Variants in SEMA5B observed in about 807,000 individuals in gnomAD.
The protein encoded by SEMA5B is semaphorin 5B, also known as semaphorin-5B.
Under a neutral mutation model 135.0 loss-of-function variants are expected in SEMA5B, and 66 were observed. That is an observed-to-expected ratio of 0.49 (90% CI 0.40 to 0.60). SEMA5B has a LOEUF of 0.60. Among genes scored for constraint, SEMA5B ranks in the 20% least tolerant of loss-of-function variants. The pLI, the probability that SEMA5B is intolerant of heterozygous loss-of-function variation, is 0.00. For synonymous variants in SEMA5B, 690 were observed against 639.5 expected (o/e 1.08, Z -1.19); for missense variants, 1,501 against 1,566.3 (o/e 0.96, Z 0.70).
intron 18 of SEMA5B, 112 bp from the exon 19 acceptor site, chr3:122,912,454 T>G (rs1377394099): frequency 1.1e-6 from 1 of 920,170 alleles, no homozygotes; most frequent in East Asian, 2.8e-5. Flanking sequence ...GACCTCAACA[T>G]CCACCCGATC....
At chr3:122,984,860 T>C (rs1443054979) in intron 1 of SEMA5B, among the ~76,000 whole-genome samples, 2 of 152,138 alleles carry the variant, frequency 1.3e-5, no homozygotes, top group Non-Finnish European at 2.9e-5. Context: ...CAACTGAAAA[T>C]GTAAAGGCCC....
At chr3:122,982,628 A>G (rs1941554292) in intron 1 of SEMA5B, among the ~76,000 whole-genome samples, 1 of 151,848 alleles carries the variant, frequency 6.6e-6, no homozygotes, top group South Asian at 2.1e-4. Context: ...CTGTTTCCCC[A>G]CCAACCCTGG....
chr3:122,959,266 G>A (rs1940473072), intron 2 of SEMA5B, among the ~76,000 whole-genome samples: 1 of 152,190 alleles, frequency 6.6e-6, no homozygotes, highest in Admixed American at 6.5e-5. Flanking sequence ...TTTCGTGGAT[G>A]GGAAAACTGA....
In SEMA5B at chr3:122,913,016, G is replaced by A. The variant is rs762189890; in HGVS notation, c.2552C>T (p.Thr851Met). 49 of 1,597,332 alleles carry A rather than the reference G, an allele frequency of 3.1e-5. No individual in the cohort carries two copies. The Admixed American group carries it at 8.5e-4, about 28-fold the overall frequency. The change falls in exon 18 of 23, where the codon ACG becomes ATG. Residue 851 changes from threonine to methionine, a missense_variant. This residue lies in a region of SEMA5B where 927 missense variants were observed against 881.6 expected (regional missense o/e 1.05). Transcript: ENST00000357599. Reference sequence around the variant, plus strand: ...CCAGGCGGCCCAGCCCCCGCTCACCGTGTGCGGGGAGGTGCTCCCGCTGCG... The same window carrying A: ...CCAGGCGGCCCAGCCCCCGCTCACCATGTGCGGGGAGGTGCTCCCGCTGCG... ...LLRSGSTSPHTVSGGWAAWGP... is the reference protein window; with the variant it reads ...LLRSGSTSPHMVSGGWAAWGP...
At chr3:122,999,934 G>C (rs1211069781) in intron 1 of SEMA5B, among the ~76,000 whole-genome samples, 5 of 152,238 alleles carry the variant, frequency 3.3e-5, no homozygotes, top group African/African-American at 1.2e-4. Flanking sequence ...AACAGGTTGG[G>C]CATAGTGGCT....
chr3:122,925,686 GA>G (rs777082128), intron 9 of SEMA5B, among the ~76,000 whole-genome samples: 5 of 149,390 alleles, frequency 3.3e-5, no homozygotes, highest in Admixed American at 6.7e-5. Flanking sequence ...AAAGAAAAAA[GA>G]AAAAAAAAGA....
At chr3:122,915,188 C>T (rs1294212180) in intron 14 of SEMA5B, among the ~76,000 whole-genome samples, 1 of 152,204 alleles carries the variant, frequency 6.6e-6, no homozygotes. Context: ...TAGGAGTGAC[C>T]TCCATGCCTG....
chr3:122,961,240 A>G lies in SEMA5B; in HGVS notation c.24T>C (p.Ser8=), dbSNP rs199533435. 3 of 1,614,092 alleles carry G rather than the reference A, an allele frequency of 1.9e-6. No homozygotes were observed. Among genetic ancestry groups the G allele is most frequent in the African/African-American group, 2.7e-5 (2 of 75,046 alleles). Residue 8 remains serine, a synonymous_variant, in exon 2 of 23, where the codon TCT becomes TCC. Transcript: ENST00000357599. The stretch of plus-strand genomic sequence containing the variant: ...CAGGGACGAGGTGGTGGGCAACAGG[A>G]GACGGACTGAAGCCACAGGGCATCC... MPCGFSP[S]PVAHHLVPGP...
chr3:122,968,160 A>G (rs1940953775), intron 1 of SEMA5B, among the ~76,000 whole-genome samples: 1 of 152,232 alleles, frequency 6.6e-6, no homozygotes, highest in Non-Finnish European at 1.5e-5. Context: ...TTGGGCCCCC[A>G]GGATGGTTTA....
intron 11 of SEMA5B, 58 bp from the exon 12 acceptor site, chr3:122,922,180 C>G: frequency 6.4e-7 from 1 of 1,566,938 alleles, no homozygotes; most frequent in Non-Finnish European, 8.7e-7. Context: ...AGCTTGCAGC[C>G]CCGCGCCGTC....
At position 122,939,460 on chromosome 3, in the gene SEMA5B, A is replaced by T. The variant is rs1939455775; in HGVS notation, c.439T>A (p.Phe147Ile). The T allele has an allele frequency of 6.2e-7, 1 of 1,612,778 alleles. No individual in the cohort carries two copies. The highest frequency in any genetic ancestry group is 1.3e-5 in the African/African-American group (1 of 74,910). The change falls in exon 5 of 23, where the codon TTC becomes ATC. Residue 147 changes from phenylalanine to isoleucine, a missense_variant. Physicochemically the swap from Phe to Ile is conservative, Grantham distance 21. Transcript: ENST00000357599. ...QLIVGARNYL[F>I]RLSLANVSLL... ...GAGACATTGGCAAGGCTGAGTCTGA[A>T]GAGGTAGTTCCTGTGAAAATGGAAA... is the stretch of plus-strand genomic sequence containing the variant.
chr3:122,969,266 A>G (rs771567977), intron 1 of SEMA5B, among the ~76,000 whole-genome samples: 11 of 152,198 alleles, frequency 7.2e-5, no homozygotes, highest in Non-Finnish European at 1.5e-4. Flanking sequence ...GCCAAAGCGC[A>G]TGCTTTTAGT....
intron 1 of SEMA5B, among the ~76,000 whole-genome samples, chr3:122,984,163 C>T (rs1252055016): frequency 6.6e-6 from 1 of 152,262 alleles, no homozygotes; most frequent in African/African-American, 2.4e-5. Flanking sequence ...TCTCCCGCCC[C>T]CCGCCGTGGC....
At chr3:122,961,022 A>C in intron 2 of SEMA5B, 118 bp downstream of exon 2, 2 of 1,053,156 alleles carry the variant, frequency 1.9e-6, no homozygotes, top group Non-Finnish European at 2.7e-6. Flanking sequence ...GCTCAAATAC[A>C]GTGGACTGAG....
chr3:122,934,126 C>T (rs56097498), intron 5 of SEMA5B, among the ~76,000 whole-genome samples: 1 of 150,516 alleles, frequency 6.6e-6, no homozygotes, highest in Non-Finnish European at 1.5e-5. Flanking sequence ...AGGCTGGTCT[C>T]GAACTCCTGG....
At chr3:123,013,679 A>G (rs1942488349) in intron 1 of SEMA5B, among the ~76,000 whole-genome samples, 2 of 152,144 alleles carry the variant, frequency 1.3e-5, no homozygotes, top group Non-Finnish European at 2.9e-5. Context: ...AGGCCCTCAC[A>G]TCTAGCTCTC....
At chr3:123,003,855 A>C (rs1199888913) in intron 1 of SEMA5B, among the ~76,000 whole-genome samples, 1 of 125,040 alleles carries the variant, frequency 8.0e-6, no homozygotes, top group African/African-American at 3.2e-5. Flanking sequence ...TAAATAAATA[A>C]ATAATAATAA....
intron 2 of SEMA5B, among the ~76,000 whole-genome samples, chr3:122,950,028 A>G (rs1477268849): frequency 1.3e-5 from 2 of 152,226 alleles, no homozygotes; most frequent in Admixed American, 6.5e-5. Flanking sequence ...GCTGTTCTCA[A>G]TACATTGGCT....
At chr3:123,013,612 G>A (rs1361028734) in intron 1 of SEMA5B, among the ~76,000 whole-genome samples, 3 of 152,132 alleles carry the variant, frequency 2.0e-5, no homozygotes, top group Non-Finnish European at 2.9e-5. Context: ...TGTGGCTCCC[G>A]GCTTTTCCTC....
Sources: allele counts gnomAD v4.1 joint callset (sites outside exome capture counted in the v4.1 genomes callset), GRCh38; gene constraint gnomAD v4.1.1; regional missense constraint gnomAD v4.1.1; transcripts MANE v1.5; gene names NCBI Gene and HGNC (gene_info 2026-07-23, HGNC 2026-07-21).